The following CPEB1 variants were observed in gnomAD, a reference collection of about 807,000 sequenced individuals.
CPEB1 encodes the protein cytoplasmic polyadenylation element binding protein 1.
In CPEB1, 7 loss-of-function variants were observed where a neutral mutation model predicts 65.8. That is an observed-to-expected ratio of 0.11 (90% CI 0.06 to 0.20). CPEB1 has a LOEUF of 0.20. CPEB1 is among the 10% of genes least tolerant of loss of function. The pLI, the probability that CPEB1 is intolerant of heterozygous loss-of-function variation, is 1.00. For missense variants in CPEB1, 551 were observed against 712.2 expected, an observed-to-expected ratio of 0.77 and a Z score of 2.58; for synonymous variants, 262 against 260.0, an observed-to-expected ratio of 1.01 and a Z score of -0.08.
chr15:82,562,199 T>TTCACATTCC (rs2038351780), intron 4 of CPEB1: 1 of 455,678 alleles, frequency 2.2e-6, no homozygotes, highest in Non-Finnish European at 4.4e-6. Context: ...TCTGTTTGTC[T>TTCACATTCC]TCACATTCCT....
At chr15:82,633,563 G>A (rs1330382711) in intron 1 of CPEB1, among the ~76,000 whole-genome samples, 2 of 152,076 alleles carry the variant, frequency 1.3e-5, no homozygotes, top group African/African-American at 4.8e-5. Flanking sequence ...GGTAGAGACA[G>A]GGTTTCACCA....
intron 1 of CPEB1, chr15:82,641,625 C>G (rs1287802414): frequency 6.6e-6 from 1 of 152,082 alleles, no homozygotes; most frequent in Non-Finnish European, 1.5e-5. Flanking sequence ...ACAAACCAAC[C>G]TTTAGACCTG....
intron 3 of CPEB1, among the ~76,000 whole-genome samples, chr15:82,612,303 C>T (rs2044236202): frequency 1.3e-5 from 2 of 151,768 alleles, no homozygotes; most frequent in Admixed American, 1.3e-4. Context: ...TCGAGACCAG[C>T]CTGCCTAACA....
In CPEB1 at chr15:82,634,320, T is replaced by C. The variant is rs183121477; in HGVS notation, c.-97-5764A>G. 4.2e-3 allele frequency among the ~76,000 whole-genome samples: 635 copies of C among 152,286 alleles called. 2 individuals are homozygous for C. Among genetic ancestry groups the C allele is most frequent in the Non-Finnish European group, 6.3e-3 (429 of 68,018 alleles). On this transcript the variant is annotated intron_variant, in intron 1 of 12. Coordinates refer to ENST00000684509, the MANE Select transcript of CPEB1 (RefSeq NM_001365242.1). ...TATTTGTATAGAAGAAATGAACAAT[T>C]GTCTAATTTGGAAACCTTGGCCCTG...
chr15:82,594,659 G>C (rs1412708483), intron 3 of CPEB1, among the ~76,000 whole-genome samples: 1 of 152,154 alleles, frequency 6.6e-6, no homozygotes, highest in Non-Finnish European at 1.5e-5. Flanking sequence ...TTCACAGCTT[G>C]ACTATTTGGA....
chr15:82,586,177 A>G (rs2041786004), intron 3 of CPEB1, among the ~76,000 whole-genome samples: 1 of 150,686 alleles, frequency 6.6e-6, no homozygotes, highest in African/African-American at 2.4e-5. Flanking sequence ...CCTTTCAGAT[A>G]TTTGTTAACC....
intron 2 of CPEB1, 30 bp downstream of exon 2, chr15:82,628,334 G>C: frequency 1.4e-6 from 1 of 702,808 alleles, no homozygotes; most frequent in Non-Finnish European, 2.6e-6. Flanking sequence ...CCAAGACATG[G>C]ACCTTGGAGA....
chr15:82,639,644 G>C (rs1202057081), intron 1 of CPEB1, among the ~76,000 whole-genome samples: 1 of 152,124 alleles, frequency 6.6e-6, no homozygotes, highest in African/African-American at 2.4e-5. Context: ...TAAAGTAACA[G>C]GTCTGACTGG....
intron 9 of CPEB1, among the ~76,000 whole-genome samples, chr15:82,550,197 G>A (rs1595997414): frequency 1.3e-5 from 2 of 152,288 alleles, no homozygotes; most frequent in South Asian, 2.1e-4. Flanking sequence ...TGGGTAGAAA[G>A]TCACATACAA....
At chr15:82,615,600 A>C (rs2044634276) in intron 3 of CPEB1, among the ~76,000 whole-genome samples, 1 of 152,172 alleles carries the variant, frequency 6.6e-6, no homozygotes, top group Non-Finnish European at 1.5e-5. Flanking sequence ...TATATGCTAC[A>C]CGTATTATTT....
At position 82,584,591 on chromosome 15, in the gene CPEB1, T is replaced by A. The variant is rs2041599454; in HGVS notation, c.272-13059A>T. Among the ~76,000 whole-genome samples the A allele has an allele frequency of 2.0e-5, 3 of 149,218 alleles. No individual in the cohort carries two copies. In the Admixed American group the frequency reaches 2.0e-4, roughly 10 times the overall value. ...TACTCTAGAGGCTGAGGCAGGAGAA[T>A]CGCTTGAACCTGGGAGGAGGAGGTT... On this transcript the variant is annotated intron_variant, in intron 3 of 12. Transcript: ENST00000684509.
chr15:82,580,097 G>A (rs548083905), intron 3 of CPEB1, among the ~76,000 whole-genome samples: 26 of 151,686 alleles, frequency 1.7e-4, no homozygotes, highest in Middle Eastern at 3.4e-3. Context: ...CAAGGCAGGC[G>A]GATAATGAGG....
chr15:82,569,397 C>A (rs955061186), intron 4 of CPEB1, among the ~76,000 whole-genome samples: 1 of 152,224 alleles, frequency 6.6e-6, no homozygotes, highest in African/African-American at 2.4e-5. Context: ...ACAGCCAGAT[C>A]ATACTGCTGG....
At chr15:82,624,636 G>T (rs886531536) in intron 3 of CPEB1, among the ~76,000 whole-genome samples, 1 of 152,182 alleles carries the variant, frequency 6.6e-6, no homozygotes. Context: ...CATCTTACCA[G>T]TGAAGTCACT....
intron 3 of CPEB1, among the ~76,000 whole-genome samples, chr15:82,615,138 G>A (rs1473796885): frequency 6.6e-6 from 1 of 152,154 alleles, no homozygotes; most frequent in Non-Finnish European, 1.5e-5. Flanking sequence ...TTGTTCTCAG[G>A]TCATCTGCAT....
chr15:82,571,609 T>A (rs1001699845), intron 3 of CPEB1, 77 bp from the exon 4 acceptor site: 1 of 1,515,778 alleles, frequency 6.6e-7, no homozygotes, highest in Non-Finnish European at 8.8e-7. Flanking sequence ...GTAAATATTA[T>A]TAATAATAGT....
chr15:82,636,112 A>C (rs2046637824), intron 1 of CPEB1, among the ~76,000 whole-genome samples: 1 of 152,100 alleles, frequency 6.6e-6, no homozygotes, highest in African/African-American at 2.4e-5. Context: ...AGACTCTTTC[A>C]CCTTAAAAAA....
chr15:82,547,367 G>A (rs1461783888), intron 10 of CPEB1, 130 bp from the exon 11 acceptor site: 22 of 561,110 alleles, frequency 3.9e-5, no homozygotes, highest in Admixed American at 1.1e-4. Context: ...CGCAATCTCT[G>A]CTCACTGCAA....
chr15:82,557,735 C>A, intron 5 of CPEB1, 25 bp downstream of exon 5: 3 of 1,603,746 alleles, frequency 1.9e-6, no homozygotes, highest in Non-Finnish European at 1.7e-6. Context: ...ACCCACAACT[C>A]CCCTTTCCCA....
Sources: gnomAD v4.1 joint callset for allele counts (sites outside exome capture counted in the v4.1 genomes callset) on GRCh38, gnomAD v4.1.1 for gene constraint, MANE v1.5 for transcripts, NCBI Gene and HGNC (gene_info 2026-07-23, HGNC 2026-07-21) for gene names.